Variants in MYO9A observed in about 807,000 individuals in gnomAD.
MYO9A encodes unconventional myosin-IXa.
A neutral mutation model predicts 293.3 loss-of-function variants in MYO9A; 103 were observed. The ratio of observed to expected loss-of-function variants is 0.35; its 90% confidence interval spans 0.30 to 0.41. The LOEUF (loss-of-function observed/expected upper bound fraction) is 0.41, where lower values mean the gene tolerates loss of function less well. MYO9A is among the 10% of genes least tolerant of loss of function. The pLI is 1.00. For missense variants in MYO9A, 2,685 were observed against 3,033.0 expected (o/e 0.89, Z 2.69); for synonymous variants, 1,001 against 1,035.7 (o/e 0.97, Z 0.64).
At chr15:71,899,123 G>C in intron 24 of MYO9A, 91 bp from the exon 25 acceptor site, 1 of 1,220,882 alleles carries the variant, frequency 8.2e-7, no homozygotes. Flanking sequence ...AAAATGCAGA[G>C]TTGTAAAATC....
intron 35 of MYO9A, among the ~76,000 whole-genome samples, chr15:71,854,101 GTCAA>G (rs2055767912): frequency 6.6e-6 from 1 of 152,050 alleles, no homozygotes; most frequent in Admixed American, 6.5e-5. Flanking sequence ...TTTTCTCTTT[GTCAA>G]TCAGAGGTAT....
intron 31 of MYO9A, among the ~76,000 whole-genome samples, chr15:71,877,518 C>T (rs1396888277): frequency 1.3e-5 from 2 of 152,002 alleles, no homozygotes; most frequent in Non-Finnish European, 2.9e-5. Flanking sequence ...AGTGCAGTGG[C>T]GTGACCTTGG....
chr15:71,856,795 T>G (rs952615194), intron 34 of MYO9A, among the ~76,000 whole-genome samples: 2 of 152,212 alleles, frequency 1.3e-5, no homozygotes, highest in African/African-American at 4.8e-5. Flanking sequence ...TAAGGCAGAA[T>G]AGGACACAAT....
intron 6 of MYO9A, among the ~76,000 whole-genome samples, chr15:72,017,870 AAACTT>A (rs1277396005): frequency 1.3e-5 from 2 of 152,104 alleles, no homozygotes; most frequent in Admixed American, 6.5e-5. Context: ...ACTTAATTGA[AAACTT>A]AAGAAAAAAA....
chr15:71,906,759 T>C (rs2057657059), intron 19 of MYO9A, among the ~76,000 whole-genome samples: 1 of 47,374 alleles, frequency 2.1e-5, no homozygotes. Flanking sequence ...CATTTCTTTC[T>C]TTTTTTTTTT....
At chr15:72,011,426 A>G (rs2077170489) in intron 6 of MYO9A, among the ~76,000 whole-genome samples, 1 of 152,086 alleles carries the variant, frequency 6.6e-6, no homozygotes, top group South Asian at 2.1e-4. Context: ...AGAAAGAAGT[A>G]TATGTGAAAG....
In MYO9A at chr15:71,938,898, G is replaced by C. The variant is rs372545323; in HGVS notation, c.2332C>G (p.Leu778Val). The C allele has an allele frequency of 2.5e-6, 4 of 1,611,330 alleles. No homozygotes were observed. The highest frequency in any genetic ancestry group is 3.4e-5 in the Admixed American group (2 of 59,674). ...SITRKNPRTP[L>V]SDLQGMNALN... ...GCATTCATGCCCTGGAGATCAGAAA[G>C]AGGTGTTCTGGGATTTTTCCGGGTT... is the stretch of plus-strand genomic sequence containing the variant. The change falls in exon 16 of 42, where the codon CTT becomes GTT. Residue 778 changes from leucine to valine, a missense_variant. Transcript: ENST00000356056.
In MYO9A at chr15:71,849,938, A is replaced by T. The variant is rs1486156596; in HGVS notation, c.6713+98T>A. On this transcript the variant is annotated intron_variant, in intron 38 of 41. Coordinates refer to ENST00000356056, the MANE Select transcript of MYO9A (RefSeq NM_006901.4). ...CCAACAATCTTCTTAAAAACACCTG[A>T]ATTTATGAACCCATTCACTATGTTT... The T allele has an allele frequency of 2.0e-6, 3 of 1,469,370 alleles. No homozygotes were observed. In the East Asian group the frequency reaches 6.9e-5, roughly 34 times the overall value. 91.0% of individuals were successfully genotyped at this position (1,469,370 alleles called of 1,614,324 possible). A position where few individuals can be genotyped will look rare whatever the true frequency, so the allele number is the denominator to read the frequency against.
At chr15:71,924,845 G>A (rs1411770062) in intron 18 of MYO9A, among the ~76,000 whole-genome samples, 2 of 151,984 alleles carry the variant, frequency 1.3e-5, no homozygotes, top group South Asian at 2.1e-4. Flanking sequence ...GCTTGAACTC[G>A]GGAGGTGGAG....
intron 39 of MYO9A, among the ~76,000 whole-genome samples, chr15:71,840,184 G>A (rs769263977): frequency 1.3e-4 from 20 of 152,186 alleles, no homozygotes; most frequent in African/African-American, 1.7e-4. Context: ...ACCCCTTGAG[G>A]GGACCCTGGA....
intron 6 of MYO9A, 104 bp downstream of exon 6, chr15:72,018,935 T>C: frequency 3.5e-6 from 3 of 861,436 alleles, no homozygotes; most frequent in Non-Finnish European, 5.9e-6. Context: ...CCTAGGATTC[T>C]TTGTATTTCA....
intron 33 of MYO9A, among the ~76,000 whole-genome samples, chr15:71,861,433 T>G (rs2056117538): frequency 6.7e-6 from 1 of 148,856 alleles, no homozygotes; most frequent in South Asian, 2.1e-4. Flanking sequence ...TTTTAGGATT[T>G]ATATATTTAG....
At chr15:72,015,879 G>A (rs912829011) in intron 6 of MYO9A, among the ~76,000 whole-genome samples, 1 of 151,590 alleles carries the variant, frequency 6.6e-6, no homozygotes, top group Non-Finnish European at 1.5e-5. Context: ...TAGTAGAGAC[G>A]GGGTTTCACC....
intron 40 of MYO9A, among the ~76,000 whole-genome samples, chr15:71,829,565 A>G (rs1341802638): frequency 1.3e-5 from 2 of 151,290 alleles, no homozygotes; most frequent in South Asian, 2.1e-4. Context: ...CTAGTATCCT[A>G]GCACCCTCTA....
intron 11 of MYO9A, among the ~76,000 whole-genome samples, chr15:71,983,639 C>T (rs541565508): frequency 1.0e-3 from 159 of 151,874 alleles, no homozygotes; most frequent in African/African-American, 3.3e-3. Flanking sequence ...GCTGCCACCA[C>T]GCCCTGCTAA....
rs1030325941 is a variant in MYO9A, at chr15:71,826,813, C to G, written c.7414G>C (p.Glu2472Gln). 3.7e-6 allele frequency: 6 copies of G among 1,614,030 alleles called. No individual in the cohort carries two copies. The African/African-American group carries it at 4.0e-5, about 11-fold the overall frequency. ...AASGNEALGM[E>Q]GPLGQTKFLE... ...AATTTGGTCTGGCCCAATGGTCCTT[C>G]CATTCCCAGGGCCTCATTACCTGAG... is the stretch of plus-strand genomic sequence containing the variant. The change falls in exon 42 of 42, where the codon GAA becomes CAA. Residue 2472 changes from glutamate to glutamine, a missense_variant. This residue lies in a region of MYO9A where 350 missense variants were observed against 328.9 expected (regional missense o/e 1.06). Coordinates refer to ENST00000356056, the MANE Select transcript of MYO9A (RefSeq NM_006901.4).
chr15:71,968,683 A>C (rs966504590), intron 12 of MYO9A, among the ~76,000 whole-genome samples: 1 of 152,180 alleles, frequency 6.6e-6, no homozygotes, highest in Non-Finnish European at 1.5e-5. Context: ...ATTTAATCGC[A>C]TAATAGGAAA....
chr15:71,827,746 A>G (rs2291279), intron 41 of MYO9A, 138 bp downstream of exon 41: 34,887 of 989,708 alleles, frequency 0.035, 1,513 homozygotes, highest in East Asian at 0.22. Context: ...ATATGGATAA[A>G]AGGACAAAAT....
chr15:72,063,349 T>C (rs1264196155), intron 1 of MYO9A, among the ~76,000 whole-genome samples: 1 of 152,194 alleles, frequency 6.6e-6, no homozygotes, highest in Admixed American at 6.5e-5. Flanking sequence ...CAAAGATTTG[T>C]TGAGTAATAC....
Sources: allele counts gnomAD v4.1 joint callset (sites outside exome capture counted in the v4.1 genomes callset), GRCh38; gene constraint gnomAD v4.1.1; regional missense constraint gnomAD v4.1.1; transcripts MANE v1.5; gene names NCBI Gene and HGNC (gene_info 2026-07-23, HGNC 2026-07-21).